Variants in ADGRG4 observed in about 807,000 individuals in gnomAD.
ADGRG4 encodes the protein G protein-coupled receptor 112.
In ADGRG4, 122 loss-of-function variants were observed where a neutral mutation model predicts 126.2. The observed-to-expected ratio is 0.97, with a 90% CI of 0.83 to 1.12. The LOEUF is 1.12. ADGRG4 is among the 50% of genes most tolerant of loss of function. ADGRG4 has a pLI of 0.00. For synonymous variants in ADGRG4, 943 were observed against 838.7 expected, an observed-to-expected ratio of 1.12 and a Z score of -2.15; for missense variants, 2,481 against 2,251.8, an observed-to-expected ratio of 1.10 and a Z score of -2.06.
chrX:136,311,242 T>C (rs1329114745), intron 4 of ADGRG4, among the ~76,000 whole-genome samples: 5 of 110,817 alleles, frequency 4.5e-5, no homozygotes, highest in Non-Finnish European at 7.6e-5. Context: ...GGCTTCAGCA[T>C]AGGATTTTAG....
intron 8 of ADGRG4, among the ~76,000 whole-genome samples, chrX:136,355,785 T>A (rs1426241447): frequency 8.9e-6 from 1 of 112,507 alleles, no homozygotes; most frequent in African/African-American, 3.2e-5. Context: ...TTGTACAGGA[T>A]TCTTTTATAT....
chrX:136,318,246 G>A (rs2074817538), intron 4 of ADGRG4, among the ~76,000 whole-genome samples: 1 of 111,880 alleles, frequency 8.9e-6, no homozygotes, highest in East Asian at 2.8e-4. Flanking sequence ...GTACAACATG[G>A]ATGAACATTA....
In ADGRG4 at chrX:136,323,208, G is replaced by A; in HGVS notation, c.501G>A (p.Glu167=). 1 of 1,211,537 alleles carries A rather than the reference G, an allele frequency of 8.3e-7. No homozygotes were observed. The highest frequency in any genetic ancestry group is 1.1e-6 in the Non-Finnish European group (1 of 895,389). Residue 167 remains glutamate, a synonymous_variant, in exon 5 of 26, where the codon GAG becomes GAA. Transcript: ENST00000394143. The part of the protein sequence containing the change: ...TLFLGHFLKN[E]SSEVKSMMRS... ...TCCTAGGGCACTTTCTCAAGAATGA[G>A]AGCAGCGAGGTTAAAAGCATGATGC...
intron 3 of ADGRG4, among the ~76,000 whole-genome samples, chrX:136,308,357 G>A (rs747575651): frequency 3.6e-5 from 4 of 111,833 alleles, no homozygotes; most frequent in South Asian, 3.8e-4. Context: ...TGATCCACCC[G>A]CTTCGGCCTC....
intron 7 of ADGRG4, among the ~76,000 whole-genome samples, chrX:136,352,371 A>C (rs922755366): frequency 5.4e-5 from 6 of 110,494 alleles, no homozygotes; most frequent in African/African-American, 2.0e-4. Context: ...TTCTCTATTT[A>C]GAAACAATGC....
At position 136,353,420 on chromosome X, in the gene ADGRG4, C is replaced by T; in HGVS notation, c.6887+19C>T. 8.9e-7 allele frequency: 1 copy of T among 1,122,119 alleles called. No homozygotes were observed. Among genetic ancestry groups the T allele is most frequent in the Non-Finnish European group, 1.2e-6 (1 of 815,087 alleles). 92.5% of individuals were successfully genotyped at this position (1,122,119 alleles called of 1,213,427 possible). A position where few individuals can be genotyped will look rare whatever the true frequency, so the allele number is the denominator to read the frequency against. ...AAAGCAGGTATGTGAATGACATTTA[C>T]TGTGGGTCAAAGGGCAATTTGAGGG... is the stretch of plus-strand genomic sequence containing the variant. On this transcript the variant is annotated intron_variant, in intron 8 of 25. Transcript: ENST00000394143.
At chrX:136,330,075 C>A (rs1238235674) in intron 5 of ADGRG4, among the ~76,000 whole-genome samples, 1 of 110,525 alleles carries the variant, frequency 9.0e-6, no homozygotes. Context: ...TTGATACAAC[C>A]CACCAATCTT....
intron 21 of ADGRG4, 128 bp downstream of exon 21, chrX:136,400,244 A>C: frequency 1.8e-6 from 1 of 555,243 alleles, no homozygotes; most frequent in Non-Finnish European, 2.9e-6. Context: ...TTGGGCATGC[A>C]TCTTTTTTTT....
intron 21 of ADGRG4, among the ~76,000 whole-genome samples, chrX:136,402,546 C>T (rs1436309118): frequency 9.0e-6 from 1 of 111,672 alleles, no homozygotes; most frequent in Admixed American, 9.5e-5. Flanking sequence ...TTAACAAAAC[C>T]CCTAAAATGT....
In ADGRG4 at chrX:136,347,855, G is replaced by C. The variant is rs56773324; in HGVS notation, c.4149G>C (p.Thr1383=). 4.1e-5 allele frequency: 49 copies of C among 1,207,594 alleles called. No individual in the cohort carries two copies. Among genetic ancestry groups the C allele is most frequent in the Non-Finnish European group, 5.0e-5 (45 of 893,235 alleles). ...TTFLCPEKES[T]SALPAYTPRT... ...TTTTGTGTCCTGAAAAGGAAAGCACGAGTGCCCTTCCAGCATATACTCCCA... is the reference window on the plus strand; with the variant it reads ...TTTTGTGTCCTGAAAAGGAAAGCACCAGTGCCCTTCCAGCATATACTCCCA... Residue 1383 remains threonine (T), a synonymous_variant, in exon 6 of 26, where the codon ACG becomes ACC. Transcript: ENST00000394143.
At chrX:136,334,245 A>G (rs929645775) in intron 5 of ADGRG4, among the ~76,000 whole-genome samples, 2 of 110,760 alleles carry the variant, frequency 1.8e-5, no homozygotes, top group Middle Eastern at 4.2e-3. Context: ...CCTTTGTCAA[A>G]AATCAGTTGA....
rs755889648 is a variant in ADGRG4 at position 136,390,361 on chromosome X, T to C, written c.7912-1871T>C. On this transcript the variant is annotated intron_variant, in intron 16 of 25. Coordinates refer to ENST00000394143, the MANE Select transcript of ADGRG4 (RefSeq NM_153834.4). ...GCCACCGTGCCTGGTCCATAGAAAT[T>C]GTTGATAAGGCACCACTCTTGGATA... Among the ~76,000 whole-genome samples the C allele has an allele frequency of 9.0e-4, 100 of 111,380 alleles. 1 individual carries two copies. Among genetic ancestry groups the C allele is most frequent in the Non-Finnish European group, 1.4e-3 (72 of 53,109 alleles).
chrX:136,391,636 A>T (rs2075319998), intron 16 of ADGRG4, among the ~76,000 whole-genome samples: 1 of 112,066 alleles, frequency 8.9e-6, no homozygotes, highest in African/African-American at 3.2e-5. Flanking sequence ...TGGGCACAAG[A>T]CACCTGCTGT....
Position 136,345,952 on chromosome X carries a change from C to A in ADGRG4, c.2246C>A (p.Thr749Asn). 8 of 1,210,126 alleles carry A rather than the reference C, an allele frequency of 6.6e-6. No individual in the cohort carries two copies. The highest frequency in any genetic ancestry group is 8.9e-6 in the Non-Finnish European group (8 of 894,432). ...FSIVSGTTSI[T>N]NMPEFKLTTL... ...ATAGTTTCTGGAACCACATCCATAA[C>A]CAATATGCCTGAATTTAAACTTACC... The change falls in exon 6 of 26, where the codon ACC becomes AAC. Residue 749 changes from threonine (T) to asparagine (N), a missense_variant. By Grantham distance (65) the Thr-to-Asn change is moderately conservative. Coordinates refer to ENST00000394143, the MANE Select transcript of ADGRG4 (RefSeq NM_153834.4).
chrX:136,371,401 A>C lies in ADGRG4; in HGVS notation c.7470A>C (p.Thr2490=). 8.4e-7 allele frequency: 1 copy of C among 1,197,458 alleles called. No homozygotes were observed. Among genetic ancestry groups the C allele is most frequent in the Non-Finnish European group, 1.1e-6 (1 of 884,395 alleles). The change falls in exon 14 of 26, where the codon ACA becomes ACC. Residue 2490 remains threonine, a synonymous_variant. Coordinates refer to ENST00000394143, the MANE Select transcript of ADGRG4 (RefSeq NM_153834.4). ...CCCCAGCCCTGGGTAAAGAAGAGAC[A>C]AAGATTATTGTTTCTAAAATATCAG... ...NESPALGKEE[T]KIIVSKISDI...
chrX:136,409,126 G>A (rs903208698), intron 23 of ADGRG4, among the ~76,000 whole-genome samples: 5 of 110,022 alleles, frequency 4.5e-5, no homozygotes, highest in African/African-American at 1.0e-4. Context: ...TGGAACAAGT[G>A]AACAAAGTAG....
chrX:136,392,313 G>T lies in ADGRG4; in HGVS notation c.7993G>T (p.Asp2665Tyr). The part of the protein sequence containing the change: ...SDDMFIQNLA[D>Y]PVVITLQHIG... ...TGATATGTTCATTCAAAACTTAGCT[G>T]ACCCAGTGGTTATCACTCTGCAGCA... Residue 2665 changes from aspartate (D) to tyrosine (Y), a missense_variant, in exon 17 of 26, where the codon GAC (aspartate) becomes TAC (tyrosine). Coordinates refer to ENST00000394143, the MANE Select transcript of ADGRG4 (RefSeq NM_153834.4). 1 of 1,186,543 alleles carries T rather than the reference G, an allele frequency of 8.4e-7. No homozygotes were observed.
intron 5 of ADGRG4, among the ~76,000 whole-genome samples, chrX:136,343,539 A>G (rs1056435303): frequency 1.8e-5 from 2 of 111,696 alleles, no homozygotes; most frequent in African/African-American, 3.3e-5. Flanking sequence ...CAGGTAAAAT[A>G]GGATGAGTCT....
rs1046811446 is a variant in ADGRG4, at chrX:136,416,720, A to G, written c.*229A>G. On this transcript the variant is annotated 3_prime_UTR_variant, in exon 26 of 26. Coordinates refer to ENST00000394143, the MANE Select transcript of ADGRG4 (RefSeq NM_153834.4). ...AAATCCCAAAATGAATTCCATTCAC[A>G]AACAGAATTTTTCAATAAATCCCAG... 13 of 283,323 alleles carry G rather than the reference A, an allele frequency of 4.6e-5. No homozygotes were observed. The highest frequency in any genetic ancestry group is 4.4e-4 in the Admixed American group (7 of 15,787). 23.3% of individuals were successfully genotyped at this position (283,323 alleles called of 1,213,427 possible).
Sources: allele counts gnomAD v4.1 joint callset (sites outside exome capture counted in the v4.1 genomes callset), GRCh38; gene constraint gnomAD v4.1.1; transcripts MANE v1.5; gene names NCBI Gene and HGNC (gene_info 2026-07-23, HGNC 2026-07-21).